Variants in IPP observed in about 807,000 individuals in gnomAD.
The protein encoded by IPP is intracisternal A particle-promoted polypeptide.
A neutral mutation model predicts 64.1 loss-of-function variants in IPP; 41 were observed. That is an observed-to-expected ratio of 0.64 (90% CI 0.50 to 0.83). The LOEUF (loss-of-function observed/expected upper bound fraction) is 0.83, where lower values mean the gene tolerates loss of function less well. IPP is among the 40% of genes least tolerant of loss of function. The pLI is 0.00. For missense variants in IPP, 649 were observed against 703.0 expected, an observed-to-expected ratio of 0.92 and a Z score of 0.87; for synonymous variants, 214 against 235.2, an observed-to-expected ratio of 0.91 and a Z score of 0.83.
chr1:45,738,036 G>T (rs1646003275), intron 3 of IPP, among the ~76,000 whole-genome samples: 1 of 151,964 alleles, frequency 6.6e-6, no homozygotes, highest in Admixed American at 6.6e-5. Flanking sequence ...TTTATCATAG[G>T]TATGTATTTA....
At chr1:45,739,658 C>T (rs1337359058) in intron 3 of IPP, among the ~76,000 whole-genome samples, 1 of 151,774 alleles carries the variant, frequency 6.6e-6, no homozygotes, top group Non-Finnish European at 1.5e-5. Context: ...AGTTTAGAAT[C>T]TAAAGATGAT....
At chr1:45,742,340 A>G (rs1423291497) in intron 2 of IPP, among the ~76,000 whole-genome samples, 2 of 152,190 alleles carry the variant, frequency 1.3e-5, no homozygotes, top group Admixed American at 1.3e-4. Flanking sequence ...CCCATGGAAC[A>G]AACCCGCATA....
intron 7 of IPP, 62 bp downstream of exon 7, chr1:45,716,833 C>A: frequency 6.8e-7 from 1 of 1,471,752 alleles, no homozygotes; most frequent in Admixed American, 2.0e-5. Context: ...AAAATAAGGC[C>A]TCAAACTCAA....
At chr1:45,719,879 C>T (rs1645709023) in intron 5 of IPP, among the ~76,000 whole-genome samples, 1 of 151,976 alleles carries the variant, frequency 6.6e-6, no homozygotes, top group Admixed American at 6.6e-5. Context: ...GCGCCTGCCA[C>T]CGCGCCCAGG....
intron 8 of IPP, among the ~76,000 whole-genome samples, chr1:45,708,504 C>T (rs1168101725): frequency 1.4e-5 from 2 of 147,920 alleles, no homozygotes; most frequent in Admixed American, 6.7e-5. Context: ...CATGGTGAAA[C>T]CCCGTCTTTA....
chr1:45,731,360 G>C (rs1435154368), intron 3 of IPP, among the ~76,000 whole-genome samples: 1 of 152,168 alleles, frequency 6.6e-6, no homozygotes, highest in East Asian at 1.9e-4. Flanking sequence ...AGGATCACTT[G>C]AGCCCAGGAA....
chr1:45,725,417 A>G (rs1456752891), intron 5 of IPP, among the ~76,000 whole-genome samples: 3 of 140,270 alleles, frequency 2.1e-5, no homozygotes, highest in Non-Finnish European at 4.7e-5. Context: ...CCTACTGGGA[A>G]GTGAGGAGCC....
intron 3 of IPP, among the ~76,000 whole-genome samples, chr1:45,738,850 A>AAGCAAAAAAAAC (rs1646017045): frequency 7.2e-6 from 1 of 139,130 alleles, no homozygotes; most frequent in African/African-American, 2.7e-5. Context: ...AAAAAAAAAA[A>AAGCAAAAAAAAC]AAAAAAAAAA....
intron 8 of IPP, among the ~76,000 whole-genome samples, chr1:45,704,338 A>G (rs550939956): frequency 6.6e-6 from 1 of 152,006 alleles, no homozygotes; most frequent in South Asian, 2.1e-4. Context: ...CCTGGGTTCA[A>G]GCGATTCTCC....
Position 45,699,635 on chromosome 1 carries a change from T to C in IPP, c.*331A>G. 9.5e-7 allele frequency: 1 copy of C among 1,054,978 alleles called. No homozygotes were observed. Among genetic ancestry groups the C allele is most frequent in the Non-Finnish European group, 1.1e-6 (1 of 870,422 alleles). The allele number at this position is 1,054,978 out of a possible 1,614,324, so 65.4% of individuals were successfully genotyped here. On this transcript the variant is annotated 3_prime_UTR_variant, in exon 9 of 9. Transcript: ENST00000396478. Reference sequence around the variant, plus strand: ...GGATATATTCCATATCCATTCTCACTCATATTTTTAGAAAAATCATTCTTG... The same window carrying C: ...GGATATATTCCATATCCATTCTCACCCATATTTTTAGAAAAATCATTCTTG...
At chr1:45,726,131 G>A (rs1645823195) in intron 5 of IPP, among the ~76,000 whole-genome samples, 1 of 144,038 alleles carries the variant, frequency 6.9e-6, no homozygotes, top group Non-Finnish European at 1.5e-5. Context: ...TTCAAGACCA[G>A]CCTGGGCAAC....
Position 45,746,424 on chromosome 1 carries a change from T to C in IPP, c.-13A>G, listed in dbSNP as rs766013936. On this transcript the variant is annotated 5_prime_UTR_variant, in exon 2 of 9. An upstream open reading frame in the 5' UTR loses its in-frame stop. Coordinates refer to ENST00000396478, the MANE Select transcript of IPP (RefSeq NM_005897.3). Reference sequence around the variant, plus strand: ...CCTCATTAGCCATGATGACGGTAGATTAATTAAAAGGACTGTTGCCCATAA... The same window carrying C: ...CCTCATTAGCCATGATGACGGTAGACTAATTAAAAGGACTGTTGCCCATAA... 1 of 1,591,910 alleles carries C rather than the reference T, an allele frequency of 6.3e-7. No individual in the cohort carries two copies. Among genetic ancestry groups the C allele is most frequent in the African/African-American group, 1.3e-5 (1 of 74,402 alleles).
At chr1:45,728,452 T>A (rs1178345301) in intron 4 of IPP, among the ~76,000 whole-genome samples, 1 of 152,060 alleles carries the variant, frequency 6.6e-6, no homozygotes, top group Non-Finnish European at 1.5e-5. Context: ...TGTATCAATA[T>A]GCTATATATT....
chr1:45,714,187 G>A, intron 8 of IPP, 59 bp downstream of exon 8: 1 of 1,231,228 alleles, frequency 8.1e-7, no homozygotes. Context: ...CATCACCACA[G>A]ATCTTACAGA....
chr1:45,747,833 TCAAAA>T (rs1646158836), intron 1 of IPP, among the ~76,000 whole-genome samples: 1 of 16,008 alleles, frequency 6.2e-5, no homozygotes, highest in Non-Finnish European at 1.2e-4. Context: ...AGACTCTGTC[TCAAAA>T]AAAAAAAAAA....
At chr1:45,717,824 A>G (rs1028986879) in intron 6 of IPP, among the ~76,000 whole-genome samples, 3 of 152,164 alleles carry the variant, frequency 2.0e-5, no homozygotes, top group Admixed American at 6.6e-5. Context: ...ACACTCTCCA[A>G]TTCTTAAAAC....
At chr1:45,747,207 T>C (rs927968971) in intron 1 of IPP, among the ~76,000 whole-genome samples, 1 of 151,866 alleles carries the variant, frequency 6.6e-6, no homozygotes, top group African/African-American at 2.4e-5. Flanking sequence ...GTATATAACA[T>C]ATGTTAGGTT....
At chr1:45,701,861 T>C (rs4559551) in intron 8 of IPP, among the ~76,000 whole-genome samples, 43,772 of 152,044 alleles carry the variant, frequency 0.29, 6,454 homozygotes, top group South Asian at 0.41. Flanking sequence ...AGTGCCATCA[T>C]ATTATAAACA....
intron 5 of IPP, among the ~76,000 whole-genome samples, chr1:45,723,789 T>C (rs1405005753): frequency 6.6e-6 from 1 of 152,020 alleles, no homozygotes; most frequent in Non-Finnish European, 1.5e-5. Context: ...AATTTTTGGG[T>C]GGGGATGACT....
Sources: allele counts gnomAD v4.1 joint callset (sites outside exome capture counted in the v4.1 genomes callset), GRCh38; gene constraint gnomAD v4.1.1; transcripts MANE v1.5; gene names NCBI Gene and HGNC (gene_info 2026-07-23, HGNC 2026-07-21).